THSD4: variants seen among roughly 807,000 people sequenced by gnomAD.
THSD4 encodes the protein thrombospondin type 1 domain containing 4.
A neutral mutation model predicts 119.0 loss-of-function variants in THSD4; 69 were observed. That is an observed-to-expected ratio of 0.58 (90% confidence interval 0.48 to 0.71). The LOEUF (loss-of-function observed/expected upper bound fraction) is 0.71, where lower values mean the gene tolerates loss of function less well. Among genes scored for constraint, THSD4 ranks in the 30% least tolerant of loss-of-function variants. The pLI is 0.00. For synonymous variants in THSD4, 524 were observed against 540.4 expected, an observed-to-expected ratio of 0.97 and a Z score of 0.42; for missense variants, 1,393 against 1,391.1, an observed-to-expected ratio of 1.00 and a Z score of -0.02.
At chr15:71,534,902 G>A (rs897161043) in intron 7 of THSD4, among the ~76,000 whole-genome samples, 7 of 152,156 alleles carry the variant, frequency 4.6e-5, no homozygotes, top group Admixed American at 2.0e-4. Context: ...AGGGGTTGCA[G>A]TGAGCCAAGA....
upstream of THSD4, chr15:71,111,763 G>A (rs577915109): frequency 3.7e-4 from 193 of 515,428 alleles, 1 homozygote; most frequent in Non-Finnish European, 4.9e-4. Context: ...GGAATTATAC[G>A]GGGGTTTCCT....
At chr15:71,138,970 T>TCC (rs1323152943) in intron 1 of THSD4, among the ~76,000 whole-genome samples, 7 of 140,902 alleles carry the variant, frequency 5.0e-5, no homozygotes, top group African/African-American at 2.2e-4. Flanking sequence ...ACAAACAGTA[T>TCC]CCCTCCCCCC....
intron 2 of THSD4, among the ~76,000 whole-genome samples, chr15:71,149,387 A>G (rs995589004): frequency 6.6e-6 from 1 of 152,070 alleles, no homozygotes; most frequent in African/African-American, 2.4e-5. Context: ...CTGGGATTAC[A>G]GGCACACACC....
chr15:71,554,344 C>G (rs150957574), intron 7 of THSD4, among the ~76,000 whole-genome samples: 1,623 of 151,868 alleles, frequency 0.011, 44 homozygotes, highest in African/African-American at 0.037. Flanking sequence ...ATCTGCCCGC[C>G]TCGGCCTCCC....
At position 71,741,225 on chromosome 15, in the gene THSD4, T is replaced by C. The variant is rs564677563; in HGVS notation, c.1906+3218T>C. 2.0e-5 allele frequency among the ~76,000 whole-genome samples: 3 copies of C among 152,296 alleles called. No individual in the cohort carries two copies. The East Asian group carries it at 5.8e-4, about 29-fold the overall frequency. Reference sequence around the variant, plus strand: ...TGAATAAGCGGCCGGGCATGGTGGCTCATACCTGTAATCGAAGCATTTTGG... The same window carrying C: ...TGAATAAGCGGCCGGGCATGGTGGCCCATACCTGTAATCGAAGCATTTTGG... On this transcript the variant is annotated intron_variant, in intron 11 of 17. Coordinates refer to ENST00000261862, the MANE Select transcript of THSD4 (RefSeq NM_024817.3).
chr15:71,749,005 C>T (rs181893568), intron 14 of THSD4, among the ~76,000 whole-genome samples: 30 of 152,346 alleles, frequency 2.0e-4, no homozygotes, highest in African/African-American at 7.2e-4. Flanking sequence ...CATGGGAAGT[C>T]TCAGGTGTCA....
intron 7 of THSD4, among the ~76,000 whole-genome samples, chr15:71,548,238 G>A (rs555094542): frequency 5.2e-4 from 79 of 152,188 alleles, no homozygotes; most frequent in Non-Finnish European, 8.1e-4. Context: ...AGCCTGCAAC[G>A]TATTTCCCTC....
At chr15:71,673,576 G>A (rs2051577169) in intron 8 of THSD4, among the ~76,000 whole-genome samples, 1 of 152,084 alleles carries the variant, frequency 6.6e-6, no homozygotes, top group South Asian at 2.1e-4. Flanking sequence ...TTTTAATTGT[G>A]ATGTTAGGGT....
intron 7 of THSD4, among the ~76,000 whole-genome samples, chr15:71,512,402 G>A (rs567852678): frequency 8.5e-5 from 13 of 152,292 alleles, no homozygotes; most frequent in Admixed American, 3.9e-4. Flanking sequence ...CAGCCCGGCA[G>A]CGTTTTCCTG....
chr15:71,401,995 C>A (rs1040069005), intron 6 of THSD4, among the ~76,000 whole-genome samples: 3 of 151,712 alleles, frequency 2.0e-5, no homozygotes, highest in Admixed American at 2.0e-4. Context: ...AGCAAACTGT[C>A]TCAAGGACAG....
In THSD4 at chr15:71,369,914, G is replaced by GT. The variant is rs572170238; in HGVS notation, c.1016-41765dup. 9.1e-4 allele frequency among the ~76,000 whole-genome samples: 138 copies of GT among 151,916 alleles called. 3 individuals carry two copies. In the South Asian group the frequency reaches 0.026, roughly 29 times the overall value. On this transcript the variant is annotated intron_variant, in intron 6 of 17. Coordinates refer to ENST00000261862, the MANE Select transcript of THSD4 (RefSeq NM_024817.3). The stretch of plus-strand genomic sequence containing the variant: ...GGCTGTGAATCCGTCTGGTCCTGGA[G>GT]TTTTTTTTGGTTAGTAGGCTATTAC...
chr15:71,580,860 C>T (rs2049544633), intron 7 of THSD4, among the ~76,000 whole-genome samples: 1 of 151,816 alleles, frequency 6.6e-6, no homozygotes, highest in Admixed American at 6.6e-5. Flanking sequence ...CCATTATATA[C>T]ATATATATGT....
At chr15:71,197,023 A>G (rs1227391439) in intron 3 of THSD4, among the ~76,000 whole-genome samples, 1 of 152,156 alleles carries the variant, frequency 6.6e-6, no homozygotes, top group Non-Finnish European at 1.5e-5. Context: ...CTGGCCTTGT[A>G]TTTGGGCAAG....
intron 6 of THSD4, among the ~76,000 whole-genome samples, chr15:71,306,703 ATCT>A (rs2045035119): frequency 6.6e-6 from 1 of 152,182 alleles, no homozygotes; most frequent in Admixed American, 6.5e-5. Flanking sequence ...GCTGCATATA[ATCT>A]TACCATCTTG....
rs191516932 is a variant in THSD4, at chr15:71,399,493, C to A, written c.1016-12194C>A. ...AAAGGAAACTTCCTCCTTGCAAGGC[C>A]TCCTGATGGCTGCAGTCTTCACTGT... On this transcript the variant is annotated intron_variant, in intron 6 of 17. Coordinates refer to ENST00000261862, the MANE Select transcript of THSD4 (RefSeq NM_024817.3). Among the ~76,000 whole-genome samples the A allele has an allele frequency of 2.2e-3, 333 of 152,276 alleles. 1 individual carries two copies. The highest frequency in any genetic ancestry group is 7.0e-3 in the African/African-American group (291 of 41,558).
chr15:71,583,724 T>A (rs2049602688), intron 7 of THSD4, among the ~76,000 whole-genome samples: 1 of 152,210 alleles, frequency 6.6e-6, no homozygotes, highest in Non-Finnish European at 1.5e-5. Context: ...AATTTTTCAA[T>A]TTTCTTCTGC....
intron 6 of THSD4, among the ~76,000 whole-genome samples, chr15:71,402,989 C>T (rs556365761): frequency 1.8e-4 from 27 of 152,212 alleles, no homozygotes; most frequent in Non-Finnish European, 4.0e-4. Context: ...AGCTTCATGT[C>T]TCAATATCTT....
In THSD4 at chr15:71,711,602, A is replaced by G. The variant is rs2052517419; in HGVS notation, c.1358-16947A>G. Reference sequence around the variant, plus strand: ...TAGTCATGACTCGTTGTAAATACAGATGGTCAGATTAGATTGAAAAAGAAA... The same window carrying G: ...TAGTCATGACTCGTTGTAAATACAGGTGGTCAGATTAGATTGAAAAAGAAA... On this transcript the variant is annotated intron_variant, in intron 8 of 17. Transcript: ENST00000261862. 2.0e-5 allele frequency among the ~76,000 whole-genome samples: 3 copies of G among 152,174 alleles called. No homozygotes were observed. The South Asian group carries it at 6.2e-4, about 31-fold the overall frequency.
intron 8 of THSD4, among the ~76,000 whole-genome samples, chr15:71,688,691 T>G (rs2051972034): frequency 7.0e-6 from 1 of 143,588 alleles, no homozygotes; most frequent in Non-Finnish European, 1.5e-5. Context: ...TTGAGGTTTT[T>G]TTTTGTTTTG....
Sources: gnomAD v4.1 joint callset for allele counts (sites outside exome capture counted in the v4.1 genomes callset) on GRCh38, gnomAD v4.1.1 for gene constraint, MANE v1.5 for transcripts, NCBI Gene and HGNC (gene_info 2026-07-23, HGNC 2026-07-21) for gene names.